ADCY2: variants seen among roughly 807,000 people sequenced by gnomAD.
ADCY2 encodes adenylate cyclase type 2.
A neutral mutation model predicts 125.2 loss-of-function variants in ADCY2; 31 were observed. That is an observed-to-expected ratio of 0.25 (90% CI 0.19 to 0.33). ADCY2 has a LOEUF of 0.33. Ranked by LOEUF, ADCY2 falls within the 10% of genes least tolerant of loss-of-function variation. The pLI, the probability that ADCY2 is intolerant of heterozygous loss-of-function variation, is 1.00. For synonymous variants in ADCY2, 512 were observed against 548.4 expected (o/e 0.93, Z 0.93); for missense variants, 904 against 1,418.2 (o/e 0.64, Z 5.82).
At chr5:7,700,819 C>G (rs915614023) in intron 7 of ADCY2, among the ~76,000 whole-genome samples, 2 of 150,676 alleles carry the variant, frequency 1.3e-5, no homozygotes, top group Non-Finnish European at 2.9e-5. Flanking sequence ...ATAGAAAACT[C>G]CTGCATGCTT....
chr5:7,481,002 G>A (rs972956873), intron 2 of ADCY2, among the ~76,000 whole-genome samples: 1 of 152,096 alleles, frequency 6.6e-6, no homozygotes, highest in Non-Finnish European at 1.5e-5. Context: ...ATATACTGAG[G>A]AGTAGGATTG....
intron 14 of ADCY2, among the ~76,000 whole-genome samples, chr5:7,738,248 T>C (rs1742305155): frequency 6.6e-6 from 1 of 152,188 alleles, no homozygotes; most frequent in African/African-American, 2.4e-5. Flanking sequence ...TGTTGTGTCA[T>C]GTATTTTTTG....
intron 12 of ADCY2, among the ~76,000 whole-genome samples, chr5:7,721,290 G>A (rs1230970601): frequency 6.6e-6 from 1 of 152,146 alleles, no homozygotes; most frequent in African/African-American, 2.4e-5. Flanking sequence ...GTAGATTCTG[G>A]ATATTAGCCC....
chr5:7,409,509 G>C (rs1381919451), intron 1 of ADCY2, among the ~76,000 whole-genome samples: 1 of 152,146 alleles, frequency 6.6e-6, no homozygotes, highest in Non-Finnish European at 1.5e-5. Flanking sequence ...GAACTTTTAA[G>C]ATAAATTATG....
chr5:7,693,144 T>A (rs760829260), intron 5 of ADCY2, among the ~76,000 whole-genome samples: 3 of 152,162 alleles, frequency 2.0e-5, no homozygotes, highest in Non-Finnish European at 2.9e-5. Flanking sequence ...CAAATCTAGT[T>A]CATTCTTCTT....
At chr5:7,630,046 G>A (rs996695581) in intron 4 of ADCY2, among the ~76,000 whole-genome samples, 1 of 152,104 alleles carries the variant, frequency 6.6e-6, no homozygotes, top group Non-Finnish European at 1.5e-5. Context: ...GATCAAATAT[G>A]ACAGAACATT....
chr5:7,441,117 A>G (rs1004127364), intron 2 of ADCY2, among the ~76,000 whole-genome samples: 1 of 152,052 alleles, frequency 6.6e-6, no homozygotes, highest in African/African-American at 2.4e-5. Flanking sequence ...AGGAATTTTG[A>G]ATGCCTGAAA....
intron 4 of ADCY2, among the ~76,000 whole-genome samples, chr5:7,668,423 G>T (rs551108639): frequency 5.3e-4 from 80 of 152,222 alleles, no homozygotes; most frequent in Admixed American, 4.0e-3. Flanking sequence ...AAAAGTAAAT[G>T]TTCTCTCTCT....
At chr5:7,637,337 G>A (rs1738544575) in intron 4 of ADCY2, among the ~76,000 whole-genome samples, 1 of 151,344 alleles carries the variant, frequency 6.6e-6, no homozygotes, top group Non-Finnish European at 1.5e-5. Flanking sequence ...AGATGTGGTG[G>A]TGAGTGCCTG....
intron 3 of ADCY2, among the ~76,000 whole-genome samples, chr5:7,574,698 G>T (rs1736187493): frequency 6.6e-6 from 1 of 152,216 alleles, no homozygotes; most frequent in Non-Finnish European, 1.5e-5. Flanking sequence ...TTAGATCCCA[G>T]ATGTAGAGGA....
intron 2 of ADCY2, among the ~76,000 whole-genome samples, chr5:7,500,169 G>T (rs1743509615): frequency 6.6e-6 from 1 of 152,262 alleles, no homozygotes; most frequent in South Asian, 2.1e-4. Context: ...TTTCTCCAAG[G>T]AGAGTCAAAG....
chr5:7,682,704 C>T (rs1014166399), intron 4 of ADCY2, among the ~76,000 whole-genome samples: 1 of 152,198 alleles, frequency 6.6e-6, no homozygotes, highest in African/African-American at 2.4e-5. Flanking sequence ...TTATGCTTTT[C>T]AGAGGAGCCT....
At chr5:7,824,439 T>C (rs1021458785) in intron 24 of ADCY2, among the ~76,000 whole-genome samples, 1 of 152,136 alleles carries the variant, frequency 6.6e-6, no homozygotes, top group African/African-American at 2.4e-5. Flanking sequence ...CACCAGTAAA[T>C]ACCTCAACAG....
At chr5:7,419,909 C>T (rs960991416) in intron 2 of ADCY2, among the ~76,000 whole-genome samples, 3 of 152,152 alleles carry the variant, frequency 2.0e-5, no homozygotes, top group African/African-American at 7.2e-5. Flanking sequence ...CGTTTATGAG[C>T]GGGGCACCAT....
chr5:7,761,368 T>C (rs1743205318), intron 16 of ADCY2, among the ~76,000 whole-genome samples: 1 of 152,092 alleles, frequency 6.6e-6, no homozygotes, highest in African/African-American at 2.4e-5. Context: ...CAGGCTGGTC[T>C]TGAACTCCTT....
intron 11 of ADCY2, among the ~76,000 whole-genome samples, chr5:7,714,355 G>A (rs1176341444): frequency 2.0e-5 from 3 of 152,198 alleles, no homozygotes; most frequent in African/African-American, 7.2e-5. Flanking sequence ...TAGAAGTTAC[G>A]ATGGGTAATG....
intron 2 of ADCY2, among the ~76,000 whole-genome samples, chr5:7,415,629 A>G (rs939930387): frequency 6.6e-6 from 1 of 152,096 alleles, no homozygotes; most frequent in Admixed American, 6.5e-5. Context: ...GTCACAAGCT[A>G]TTGAAGGGGT....
chr5:7,459,346 G>A (rs977003565), intron 2 of ADCY2, among the ~76,000 whole-genome samples: 2 of 152,216 alleles, frequency 1.3e-5, no homozygotes, highest in Non-Finnish European at 2.9e-5. Flanking sequence ...AGGATTGTAA[G>A]TAGGATGAGA....
At chr5:7,564,769 C>T (rs1314660666) in intron 3 of ADCY2, among the ~76,000 whole-genome samples, 1 of 152,178 alleles carries the variant, frequency 6.6e-6, no homozygotes, top group Non-Finnish European at 1.5e-5. Flanking sequence ...GGCACCGCCA[C>T]TACCTAACAG....
Sources: allele counts gnomAD v4.1 joint callset (sites outside exome capture counted in the v4.1 genomes callset), GRCh38; gene constraint gnomAD v4.1.1; transcripts MANE v1.5; gene names NCBI Gene and HGNC (gene_info 2026-07-23, HGNC 2026-07-21).